WDFY3: variants seen among roughly 807,000 people sequenced by gnomAD.
The protein encoded by WDFY3 is WD repeat and FYVE domain-containing protein 3.
Under a neutral mutation model 409.6 loss-of-function variants are expected in WDFY3, and 66 were observed. The observed-to-expected ratio is 0.16, with a 90% CI of 0.13 to 0.20. The LOEUF is 0.20. Among genes scored for constraint, WDFY3 ranks in the 10% least tolerant of loss-of-function variants. The probability of loss-of-function intolerance (pLI) is 1.00; values close to 1 mark genes in which losing one functional copy is unlikely to be tolerated. For synonymous variants in WDFY3, 1,521 were observed against 1,537.1 expected (o/e 0.99, Z 0.25); for missense variants, 3,031 against 4,298.1 (o/e 0.71, Z 8.24).
chr4:84,783,771 C>A (rs1746977817), intron 24 of WDFY3, among the ~76,000 whole-genome samples: 1 of 151,736 alleles, frequency 6.6e-6, no homozygotes, highest in Admixed American at 6.6e-5. Flanking sequence ...TACACAAGAT[C>A]TATTTTCAAG....
rs148751006 is a variant in WDFY3, at chr4:84,749,655, G to A, written c.5973+1828C>T. Among the ~76,000 whole-genome samples the A allele has an allele frequency of 9.7e-4, 147 of 152,244 alleles. 1 individual carries two copies. The highest frequency in any genetic ancestry group is 3.2e-3 in the African/African-American group (135 of 41,558). On this transcript the variant is annotated intron_variant, in intron 36 of 67. Transcript: ENST00000295888. ...CAGCTACCAAGAACTTATCAATGAC[G>A]TTAAGTGAGGACTTACTGTACTGAC...
intron 26 of WDFY3, among the ~76,000 whole-genome samples, chr4:84,779,516 G>A (rs186716255): frequency 1.1e-3 from 166 of 151,978 alleles, no homozygotes; most frequent in Non-Finnish European, 1.9e-3. Flanking sequence ...AGGTTCAAGC[G>A]ATTCTCCTGC....
At position 84,755,904 on chromosome 4, in the gene WDFY3, G is replaced by C. The variant is rs569844889; in HGVS notation, c.5425-504C>G. On this transcript the variant is annotated intron_variant, in intron 33 of 67. Coordinates refer to ENST00000295888, the MANE Select transcript of WDFY3 (RefSeq NM_014991.6). The stretch of plus-strand genomic sequence containing the variant: ...ATGGCACCATGGATATTGAAAAATT[G>C]CATAACCAATACAACTGTGCTAGGC... Among the ~76,000 whole-genome samples the C allele has an allele frequency of 2.0e-5, 3 of 152,188 alleles. No homozygotes were observed. The South Asian group carries it at 6.2e-4, about 32-fold the overall frequency.
At chr4:84,766,206 T>C (rs755127411) in intron 31 of WDFY3, 46 bp downstream of exon 31, 1 of 1,540,896 alleles carries the variant, frequency 6.5e-7, no homozygotes, top group Non-Finnish European at 8.8e-7. Context: ...ATGAATTAAC[T>C]AGTAGTAGCA....
intron 36 of WDFY3, among the ~76,000 whole-genome samples, chr4:84,750,586 G>C (rs1456483724): frequency 1.3e-5 from 2 of 152,120 alleles, no homozygotes; most frequent in Admixed American, 1.3e-4. Flanking sequence ...TATTTTCAGA[G>C]CCCCTGGCAT....
In WDFY3 at chr4:84,794,570, T is replaced by C. The variant is rs756227030; in HGVS notation, c.3436A>G (p.Lys1146Glu). The C allele has an allele frequency of 6.2e-7, 1 of 1,614,136 alleles. No individual in the cohort carries two copies. The highest frequency in any genetic ancestry group is 1.7e-5 in the Admixed American group (1 of 60,030). Residue 1146 changes from lysine (K) to glutamate (E), a missense_variant, in exon 21 of 68, where the codon AAA becomes GAA. By Grantham distance (56) the Lys-to-Glu change is moderately conservative. This residue lies in a region of WDFY3 where 1,322 missense variants were observed against 1,697.9 expected (regional missense o/e 0.78). Coordinates refer to ENST00000295888, the MANE Select transcript of WDFY3 (RefSeq NM_014991.6). ...GTGGAAACAATCAGAGATCGGTCTT[T>C]TGCTGATAGAACTATTGCAAGGCAC... ...YVCLAIVLSAKDRSLIVSTKE... is the reference protein window; with the variant it reads ...YVCLAIVLSAEDRSLIVSTKE...
chr4:84,764,226 A>C (rs1426999817), intron 32 of WDFY3, among the ~76,000 whole-genome samples: 1 of 152,194 alleles, frequency 6.6e-6, no homozygotes, highest in Non-Finnish European at 1.5e-5. Flanking sequence ...TAAACCTTGC[A>C]TATTCAACAG....
At chr4:84,793,962 G>C (rs1165967564) in intron 21 of WDFY3, among the ~76,000 whole-genome samples, 1 of 152,116 alleles carries the variant, frequency 6.6e-6, no homozygotes. Context: ...AGTAAATTGA[G>C]ATTTATATTT....
At position 84,810,360 on chromosome 4, in the gene WDFY3, G is replaced by GA. The variant is rs1451965947; in HGVS notation, c.1888-17dup. 4.4e-6 allele frequency: 5 copies of GA among 1,146,898 alleles called. No homozygotes were observed. The South Asian group carries it at 9.3e-5, about 21-fold the overall frequency. The allele number at this position is 1,146,898 out of a possible 1,614,324, so 71.0% of individuals were successfully genotyped here. A position where few individuals can be genotyped will look rare whatever the true frequency, so the allele number is the denominator to read the frequency against. On this transcript the variant is annotated splice_polypyrimidine_tract_variant and intron_variant, in intron 13 of 67. Coordinates refer to ENST00000295888, the MANE Select transcript of WDFY3 (RefSeq NM_014991.6). ...ACAGGAGGGCCTACAGGAGACAAAA[G>GA]AAAAAACAAATGAAAATACACATAA...
intron 55 of WDFY3, among the ~76,000 whole-genome samples, 180 bp from the exon 56 acceptor site, chr4:84,702,686 C>G (rs960927223): frequency 2.0e-5 from 3 of 152,188 alleles, no homozygotes; most frequent in African/African-American, 7.2e-5. Flanking sequence ...TTGGGGTAAT[C>G]CTTACAGAGG....
At chr4:84,711,193 T>C (rs1055255834) in intron 51 of WDFY3, among the ~76,000 whole-genome samples, 14 of 152,208 alleles carry the variant, frequency 9.2e-5, no homozygotes, top group Non-Finnish European at 1.6e-4. Flanking sequence ...CTACAGATTC[T>C]TGAAATGGCT....
At chr4:84,794,384 T>C in intron 21 of WDFY3, 135 bp downstream of exon 21, 2 of 895,164 alleles carry the variant, frequency 2.2e-6, no homozygotes, top group East Asian at 2.7e-5. Context: ...CAATATTCAA[T>C]GTTTTATGTA....
chr4:84,827,933 T>C (rs540438650), intron 9 of WDFY3, among the ~76,000 whole-genome samples: 212 of 151,938 alleles, frequency 1.4e-3, no homozygotes, highest in South Asian at 2.7e-3. Flanking sequence ...CTGGGCAACA[T>C]AGGCTCTACA....
chr4:84,876,839 T>C (rs746736590), intron 3 of WDFY3, among the ~76,000 whole-genome samples: 1 of 152,212 alleles, frequency 6.6e-6, no homozygotes, highest in Non-Finnish European at 1.5e-5. Flanking sequence ...ACAATTTACG[T>C]ATCCTAGTTC....
chr4:84,779,956 T>G (rs2149477253), intron 26 of WDFY3, 152 bp downstream of exon 26: 7 of 789,848 alleles, frequency 8.9e-6, no homozygotes, highest in Non-Finnish European at 1.3e-5. Context: ...TACTTTCATT[T>G]GACATATATT....
chr4:84,681,039 C>A (rs556994091), intron 64 of WDFY3, among the ~76,000 whole-genome samples: 6 of 152,186 alleles, frequency 3.9e-5, no homozygotes, highest in Non-Finnish European at 7.3e-5. Context: ...GGCTTATGAT[C>A]GTGAGCTCTG....
At chr4:84,704,478 AAAG>A (rs1178234901) in intron 54 of WDFY3, 34 bp from the exon 55 acceptor site, 8 of 1,486,612 alleles carry the variant, frequency 5.4e-6, no homozygotes, top group African/African-American at 1.4e-5. Flanking sequence ...ATTGAAACCA[AAAG>A]AAGAAATATG....
chr4:84,678,181 A>G lies in WDFY3; in HGVS notation c.10246T>C (p.Leu3416=), dbSNP rs1726678922. 6.2e-7 allele frequency: 1 copy of G among 1,613,872 alleles called. No homozygotes were observed. Among genetic ancestry groups the G allele is most frequent in the African/African-American group, 1.3e-5 (1 of 74,918 alleles). ...DNAHPAEVTA[L]GISKDHSRIL... ...CCTGACACTTACTTGGAGATGCCCA[A>G]GGCAGTGACCTCAGCTGGGTGTGCA... The change falls in exon 66 of 68, where the codon TTG becomes CTG. Residue 3416 remains leucine, a synonymous_variant. Coordinates refer to ENST00000295888, the MANE Select transcript of WDFY3 (RefSeq NM_014991.6).
intron 32 of WDFY3, among the ~76,000 whole-genome samples, chr4:84,761,421 T>C (rs965140857): frequency 6.6e-6 from 1 of 152,158 alleles, no homozygotes; most frequent in Non-Finnish European, 1.5e-5. Flanking sequence ...AAGTCTCCCA[T>C]TATAAATGTG....
Sources: allele counts gnomAD v4.1 joint callset (sites outside exome capture counted in the v4.1 genomes callset), GRCh38; gene constraint gnomAD v4.1.1; regional missense constraint gnomAD v4.1.1; transcripts MANE v1.5; gene names NCBI Gene and HGNC (gene_info 2026-07-23, HGNC 2026-07-21).